The following ZNF723 variants were observed in gnomAD, a reference collection of about 807,000 sequenced individuals.
ZNF723 encodes the protein zinc finger protein 723, pseudogene.
Under a neutral mutation model 9.4 loss-of-function variants are expected in ZNF723, and 5 were observed. The observed-to-expected ratio is 0.53, with a 90% CI of 0.28 to 1.12. The LOEUF is 1.12. Ranked by LOEUF, ZNF723 falls within the 50% of genes most tolerant of loss-of-function variation. ZNF723 has a pLI of 0.10. For missense variants in ZNF723, 450 were observed against 501.5 expected, an observed-to-expected ratio of 0.90 and a Z score of 0.98; for synonymous variants, 158 against 168.8, an observed-to-expected ratio of 0.94 and a Z score of 0.49.
At chr19:22,819,156 T>A in the ZNF723 span, among the ~76,000 whole-genome samples, 1 of 152,230 alleles carries the variant, frequency 6.6e-6, no homozygotes, top group Admixed American at 6.5e-5. Flanking sequence ...TCAAAAGTCA[T>A]TGTGATGTAT....
At chr19:22,821,946 T>C in the ZNF723 span, among the ~76,000 whole-genome samples, 1 of 152,088 alleles carries the variant, frequency 6.6e-6, no homozygotes, top group Non-Finnish European at 1.5e-5. Flanking sequence ...CCATCTCTAC[T>C]AAAAATACAA....
chr19:22,858,104 G>A lies in ZNF723; in HGVS notation c.1213G>A (p.Ala405Thr). ...KPYKCEECGK[A>T]FNQSSALTTH... ...CTACAAATGTGAAGAATGTGGCAAAGCCTTTAACCAATCCTCAGCCCTTAC... is the reference window on the plus strand; with the variant it reads ...CTACAAATGTGAAGAATGTGGCAAAACCTTTAACCAATCCTCAGCCCTTAC... The change falls in exon 4 of 4, where the codon GCC becomes ACC. Residue 405 changes from alanine (A) to threonine (T), a missense_variant. By Grantham distance (58) the Ala-to-Thr change is moderately conservative. This residue lies in a region of ZNF723 where 237 missense variants were observed against 332.2 expected (regional missense o/e 0.71). Transcript: ENST00000600766. 1.3e-6 allele frequency: 2 copies of A among 1,483,340 alleles called. No individual in the cohort carries two copies. Among genetic ancestry groups the A allele is most frequent in the Non-Finnish European group, 1.9e-6 (2 of 1,062,348 alleles). The allele number at this position is 1,483,340 out of a possible 1,614,324, so 91.9% of individuals were successfully genotyped here. A position where few individuals can be genotyped will look rare whatever the true frequency, so the allele number is the denominator to read the frequency against.
the ZNF723 span, among the ~76,000 whole-genome samples, chr19:22,815,226 C>T: frequency 1.3e-5 from 2 of 152,108 alleles, no homozygotes; most frequent in Admixed American, 1.3e-4. Flanking sequence ...TTCCTTTGGG[C>T]TGGGATGCTC....
chr19:22,833,149 ATTTTCTTTT>A (rs896412621), intron 1 of ZNF723, among the ~76,000 whole-genome samples: 1 of 151,274 alleles, frequency 6.6e-6, no homozygotes, highest in African/African-American at 2.4e-5. Flanking sequence ...TCACTTAACT[ATTTTCTTTT>A]TTTTCTTTTT....
chr19:22,843,683 A>G (rs1443581330), intron 1 of ZNF723, among the ~76,000 whole-genome samples: 1 of 152,130 alleles, frequency 6.6e-6, no homozygotes, highest in Non-Finnish European at 1.5e-5. Context: ...CCCTTTCTTT[A>G]TATTGTAGTG....
At chr19:22,847,954 A>G (rs1967336819) in intron 1 of ZNF723, among the ~76,000 whole-genome samples, 2 of 152,012 alleles carry the variant, frequency 1.3e-5, no homozygotes, top group South Asian at 4.2e-4. Flanking sequence ...TACAAAAATT[A>G]GCTGGGCGTG....
the ZNF723 span, among the ~76,000 whole-genome samples, chr19:22,816,512 C>T: frequency 6.6e-6 from 1 of 152,160 alleles, no homozygotes; most frequent in East Asian, 1.9e-4. Flanking sequence ...CAGGAGGTGG[C>T]GCCTCTTATA....
At chr19:22,825,296 A>G in the ZNF723 span, among the ~76,000 whole-genome samples, 1 of 152,182 alleles carries the variant, frequency 6.6e-6, no homozygotes, top group Non-Finnish European at 1.5e-5. Context: ...GATCCGATAT[A>G]TCATTGAAAT....
At chr19:22,838,289 C>A (rs1236911841) in intron 1 of ZNF723, among the ~76,000 whole-genome samples, 16 of 152,122 alleles carry the variant, frequency 1.1e-4, no homozygotes, top group Admixed American at 1.0e-3. Flanking sequence ...CACGGTGGCT[C>A]ACACTTGTAA....
intron 3 of ZNF723, among the ~76,000 whole-genome samples, chr19:22,853,214 C>A (rs1268482310): frequency 6.6e-6 from 1 of 151,852 alleles, no homozygotes; most frequent in African/African-American, 2.4e-5. Context: ...TGTTTTAATT[C>A]TGTAGCTCGT....
At chr19:22,848,789 CT>C (rs1172149854) in intron 2 of ZNF723, among the ~76,000 whole-genome samples, 1 of 150,604 alleles carries the variant, frequency 6.6e-6, no homozygotes, top group African/African-American at 2.4e-5. Context: ...TGGAATGTTG[CT>C]GTTGCCCAGG....
At chr19:22,844,617 C>T (rs1391011329) in intron 1 of ZNF723, among the ~76,000 whole-genome samples, 1 of 152,176 alleles carries the variant, frequency 6.6e-6, no homozygotes, top group Non-Finnish European at 1.5e-5. Flanking sequence ...TATTCAGGCA[C>T]TCCTACCTTT....
chr19:22,827,189 A>G, the ZNF723 span, among the ~76,000 whole-genome samples: 1 of 152,050 alleles, frequency 6.6e-6, no homozygotes, highest in Non-Finnish European at 1.5e-5. Flanking sequence ...GTTGTGCTAA[A>G]TAATAGAATT....
chr19:22,820,771 T>C, the ZNF723 span, among the ~76,000 whole-genome samples: 1 of 152,156 alleles, frequency 6.6e-6, no homozygotes, highest in Admixed American at 6.5e-5. Context: ...CGTGATACGG[T>C]GTTTCTCATA....
chr19:22,851,684 T>C (rs905422632), intron 3 of ZNF723, among the ~76,000 whole-genome samples: 3 of 152,202 alleles, frequency 2.0e-5, no homozygotes, highest in Non-Finnish European at 4.4e-5. Context: ...GCATTTGTTA[T>C]AGGACTGTGT....
chr19:22,857,462 C>A lies in ZNF723; in HGVS notation c.571C>A (p.His191Asn). The A allele has an allele frequency of 9.5e-7, 1 of 1,055,618 alleles. No individual in the cohort carries two copies. The highest frequency in any genetic ancestry group is 1.5e-6 in the Non-Finnish European group (1 of 677,982). The allele number at this position is 1,055,618 out of a possible 1,614,324, so 65.4% of individuals were successfully genotyped here. Residue 191 changes from histidine to asparagine, a missense_variant, in exon 4 of 4, where the codon CAT becomes AAT. His to Asn is a moderately conservative substitution (Grantham distance 68, BLOSUM62 1). Transcript: ENST00000600766. ...SFCMLSHLTK[H>N]ERNHTRVNCY... is the part of the protein sequence containing the mutation. ...TTGCATGCTTTCACACCTAACTAAA[C>A]ATGAAAGAAATCATACTAGAGTGAA...
upstream of ZNF723, among the ~76,000 whole-genome samples, chr19:22,829,127 T>C (rs547519988): frequency 1.3e-5 from 2 of 151,902 alleles, no homozygotes; most frequent in Non-Finnish European, 2.9e-5. Context: ...GAGCTGAGAT[T>C]GCGCCCTTGC....
intron 2 of ZNF723, among the ~76,000 whole-genome samples, chr19:22,848,755 T>C (rs1439086992): frequency 2.0e-5 from 3 of 151,152 alleles, no homozygotes; most frequent in Non-Finnish European, 4.4e-5. Flanking sequence ...ATTTATTTAT[T>C]TATTTATTTA....
At chr19:22,848,556 C>T (rs1219492464) in intron 2 of ZNF723, among the ~76,000 whole-genome samples, 169 bp downstream of exon 2, 1 of 152,030 alleles carries the variant, frequency 6.6e-6, no homozygotes, top group Non-Finnish European at 1.5e-5. Flanking sequence ...TCAAGATAAA[C>T]ATCTTGAAGT....
Sources: gnomAD v4.1 joint callset for allele counts (sites outside exome capture counted in the v4.1 genomes callset) on GRCh38, gnomAD v4.1.1 for gene constraint, gnomAD v4.1.1 regional missense constraint, MANE v1.5 for transcripts, NCBI Gene and HGNC (gene_info 2026-07-23, HGNC 2026-07-21) for gene names.